Variants in CNGB1 observed in about 807,000 individuals in gnomAD.
CNGB1 encodes cyclic nucleotide gated channel subunit beta 1.
CNGB1 carries 126 observed loss-of-function variants against 151.7 expected under a neutral mutation model. That is an observed-to-expected ratio of 0.83 (90% CI 0.72 to 0.96). The LOEUF (loss-of-function observed/expected upper bound fraction) is 0.96, where lower values mean the gene tolerates loss of function less well. Among genes scored for constraint, CNGB1 ranks in the 40% least tolerant of loss-of-function variants. The pLI, the probability that CNGB1 is intolerant of heterozygous loss-of-function variation, is 0.00. For missense variants in CNGB1, 1,698 were observed against 1,627.0 expected (o/e 1.04, Z -0.75); for synonymous variants, 623 against 635.1 (o/e 0.98, Z 0.29).
chr16:57,957,232 A>T, intron 12 of CNGB1, 109 bp downstream of exon 12: 1 of 1,027,484 alleles, frequency 9.7e-7, no homozygotes, highest in Non-Finnish European at 1.5e-6. Flanking sequence ...CCCCTGTGTG[A>T]GTCCAGGTCT....
chr16:57,950,405 T>C lies in CNGB1; in HGVS notation c.1010A>G (p.Asn337Ser), dbSNP rs1567392499. 6.2e-7 allele frequency: 1 copy of C among 1,614,254 alleles called. No homozygotes were observed. Among genetic ancestry groups the C allele is most frequent in the Non-Finnish European group, 8.5e-7 (1 of 1,180,044 alleles). The change falls in exon 13 of 33, where the codon AAC (asparagine) becomes AGC (serine). Residue 337 changes from asparagine to serine, a missense_variant. Transcript: ENST00000251102. ...CCTGGGCATCTTCTCCACAGCTTTG[T>C]TCTCTTCTTCATAAGCTGGAACCAC... ...TEVVPAYEEE[N>S]KAVEKMPREL... is the part of the protein sequence containing the mutation.
Position 57,939,596 on chromosome 16 carries a change from C to T in CNGB1, c.1210-4G>A, listed in dbSNP as rs746808563. On this transcript the variant is annotated splice_region_variant and splice_polypyrimidine_tract_variant and intron_variant, in intron 15 of 32. Coordinates refer to ENST00000251102, the MANE Select transcript of CNGB1 (RefSeq NM_001297.5). Reference sequence around the variant, plus strand: ...CCCCAACTTCCTCCCACAGCTTCTGCAGAGAATAAAGTGAAAACAGAAACT... The same window carrying T: ...CCCCAACTTCCTCCCACAGCTTCTGTAGAGAATAAAGTGAAAACAGAAACT... 2 of 1,614,182 alleles carry T rather than the reference C, an allele frequency of 1.2e-6. No homozygotes were observed. Among genetic ancestry groups the T allele is most frequent in the Non-Finnish European group, 1.7e-6 (2 of 1,180,036 alleles).
intron 31 of CNGB1, among the ~76,000 whole-genome samples, chr16:57,893,482 C>T (rs1209289271): frequency 6.6e-6 from 1 of 152,102 alleles, no homozygotes; most frequent in African/African-American, 2.4e-5. Context: ...CCACCGGAGA[C>T]ATTCCTGCAC....
intron 7 of CNGB1, among the ~76,000 whole-genome samples, chr16:57,962,094 G>A: frequency 6.6e-6 from 1 of 152,166 alleles, no homozygotes; most frequent in Non-Finnish European, 1.5e-5. Context: ...CCTTCTCGGA[G>A]CTCCCTGGCT....
At chr16:57,899,683 G>A (rs28481956) in intron 29 of CNGB1, among the ~76,000 whole-genome samples, 8,965 of 152,026 alleles carry the variant, frequency 0.059, 837 homozygotes, top group African/African-American at 0.2. Context: ...AGGGGTGGGG[G>A]GAGTGACCAA....
At position 57,939,540 on chromosome 16, in the gene CNGB1, G is replaced by A. The variant is rs1386696803; in HGVS notation, c.1262C>T (p.Ala421Val). Residue 421 changes from alanine (A) to valine (V), a missense_variant, in exon 16 of 33, where the codon GCC becomes GTC. Ala to Val is a moderately conservative substitution (Grantham distance 64). Transcript: ENST00000251102. ...AGCCACCTCCTCGGCCTCCTCCTTG[G>A]CCTTCTCTTCAGCCTCCTTCTTGGC... ...EEAKKEAEEK[A>V]KEEAEEVAEE... 6.2e-7 allele frequency: 1 copy of A among 1,613,872 alleles called. No individual in the cohort carries two copies. Among genetic ancestry groups the A allele is most frequent in the Non-Finnish European group, 8.5e-7 (1 of 1,179,966 alleles).
Position 57,954,865 on chromosome 16 carries a change from G to C in CNGB1, c.874+2476C>G, listed in dbSNP as rs905819657. The C allele has an allele frequency of 1.4e-5, 14 of 1,006,006 alleles. No homozygotes were observed. The Admixed American group carries it at 4.8e-4, about 35-fold the overall frequency. 62.3% of individuals were successfully genotyped at this position (1,006,006 alleles called of 1,614,324 possible). A position where few individuals can be genotyped will look rare whatever the true frequency, so the allele number is the denominator to read the frequency against. ...GGGGCTGTGCACGCGTCCTCTCAAA[G>C]AGATGCTCAATACTGAGTCCTCCAT... On this transcript the variant is annotated intron_variant, in intron 12 of 32. Transcript: ENST00000251102.
At chr16:57,948,700 C>T (rs1425961552) in intron 14 of CNGB1, among the ~76,000 whole-genome samples, 1 of 152,196 alleles carries the variant, frequency 6.6e-6, no homozygotes, top group Non-Finnish European at 1.5e-5. Flanking sequence ...CTGCTCCTAA[C>T]TCCAGGCACA....
At chr16:57,943,506 C>G (rs1234252859) in intron 14 of CNGB1, among the ~76,000 whole-genome samples, 2 of 152,136 alleles carry the variant, frequency 1.3e-5, no homozygotes, top group African/African-American at 4.8e-5. Context: ...CCTGTCTCTA[C>G]TAAAAATACA....
intron 18 of CNGB1, chr16:57,923,064 G>T (rs1024347257): frequency 2.0e-5 from 9 of 453,944 alleles, no homozygotes; most frequent in East Asian, 1.3e-4. Flanking sequence ...ACACAGCTGG[G>T]CCCAGAGGTT....
chr16:57,888,389 GTCTC>G (rs1167691554), intron 31 of CNGB1, among the ~76,000 whole-genome samples: 17 of 151,422 alleles, frequency 1.1e-4, no homozygotes, highest in African/African-American at 3.9e-4. Flanking sequence ...CTTCCTTTCT[GTCTC>G]TCTCTCTCTC....
At chr16:57,950,326 C>T (rs1373373111) in intron 13 of CNGB1, 55 bp downstream of exon 13, 3 of 1,605,072 alleles carry the variant, frequency 1.9e-6, no homozygotes, top group South Asian at 2.2e-5. Context: ...GTACTGCATG[C>T]TTGGCACTTT....
At chr16:57,963,689 A>G (rs9927844) in intron 4 of CNGB1, among the ~76,000 whole-genome samples, 2 of 151,892 alleles carry the variant, frequency 1.3e-5, no homozygotes, top group African/African-American at 2.4e-5. Flanking sequence ...CTCTGACCCC[A>G]TTGGGCCTGC....
At chr16:57,918,830 G>T (rs1356559018) in intron 20 of CNGB1, among the ~76,000 whole-genome samples, 2 of 152,184 alleles carry the variant, frequency 1.3e-5, no homozygotes, top group Non-Finnish European at 2.9e-5. Context: ...CTCTCAAGTA[G>T]CTGGGATTAC....
In CNGB1 at chr16:57,940,534, C is replaced by A. The variant is rs116824290; in HGVS notation, c.1122-213G>T. Among the ~76,000 whole-genome samples, 456 of 152,210 alleles carry A rather than the reference C, an allele frequency of 3.0e-3. 3 individuals carry two copies. Among genetic ancestry groups the A allele is most frequent in the African/African-American group, 0.011 (440 of 41,528 alleles). On this transcript the variant is annotated intron_variant, in intron 14 of 32. Transcript: ENST00000251102. The stretch of plus-strand genomic sequence containing the variant: ...TCAGCAAGGCACTGTGAAGGACATG[C>A]CACAACTCTGCTAGGAAGGAGGGCT...
intron 31 of CNGB1, among the ~76,000 whole-genome samples, chr16:57,892,680 G>T (rs1482177560): frequency 6.6e-5 from 10 of 152,082 alleles, no homozygotes; most frequent in Admixed American, 6.5e-4. Context: ...AGACTCCTCT[G>T]ATCCCATACC....
intron 12 of CNGB1, among the ~76,000 whole-genome samples, chr16:57,951,685 C>T (rs1047673153): frequency 6.6e-5 from 10 of 152,212 alleles, no homozygotes; most frequent in African/African-American, 2.4e-4. Context: ...CGTGGAATAA[C>T]TCGATTAGTC....
rs1473239928 is a variant in CNGB1 at position 57,967,209 on chromosome 16, T to G, written c.78A>C (p.Glu26Asp). The G allele has an allele frequency of 6.2e-7, 1 of 1,614,178 alleles. No individual in the cohort carries two copies. The change falls in exon 2 of 33, where the codon GAA becomes GAC. Residue 26 changes from glutamate (E) to aspartate (D), a missense_variant. By Grantham distance (45) the Glu-to-Asp change is conservative. Transcript: ENST00000251102. ...CCTCCATCTCTGGCTCTGGTTCCAC[T>G]TCCTCTTCCTCCTGCATCTTGGTCT... ...PRKTKMQEEE[E>D]VEPEPEMEAE...
Position 57,950,423 on chromosome 16 carries a change from G to C in CNGB1, c.992C>G (p.Pro331Arg). The C allele has an allele frequency of 1.2e-6, 2 of 1,614,238 alleles. No homozygotes were observed. Among genetic ancestry groups the C allele is most frequent in the South Asian group, 1.1e-5 (1 of 91,088 alleles). Residue 331 changes from proline to arginine, a missense_variant, in exon 13 of 33, where the codon CCA becomes CGA. By Grantham distance (103) the Pro-to-Arg change is moderately radical (BLOSUM62 -2). Transcript: ENST00000251102. ...STSPQGTEVV[P>R]AYEEENKAVE... ...AGCTTTGTTCTCTTCTTCATAAGCT[G>C]GAACCACCTCTGTACCCTGTGGGCT...
Sources: gnomAD v4.1 joint callset for allele counts (sites outside exome capture counted in the v4.1 genomes callset) on GRCh38, gnomAD v4.1.1 for gene constraint, MANE v1.5 for transcripts, NCBI Gene and HGNC (gene_info 2026-07-23, HGNC 2026-07-21) for gene names.